Variants in ENPEP observed in about 807,000 individuals in gnomAD.
ENPEP encodes the protein glutamyl aminopeptidase, also known as AP-A.
A neutral mutation model predicts 114.5 loss-of-function variants in ENPEP; 103 were observed. The ratio of observed to expected loss-of-function variants is 0.90; its 90% CI spans 0.77 to 1.06. ENPEP has a LOEUF of 1.06. Among genes scored for constraint, ENPEP ranks in the 50% least tolerant of loss-of-function variants. ENPEP has a pLI of 0.00. For missense variants in ENPEP, 1,196 were observed against 1,161.3 expected (o/e 1.03, Z -0.43); for synonymous variants, 420 against 422.0 (o/e 1.00, Z 0.06).
intron 3 of ENPEP, chr4:110,506,347 A>G (rs572748676): frequency 3.3e-5 from 9 of 274,790 alleles, no homozygotes; most frequent in Non-Finnish European, 6.1e-5. Context: ...AACATTTTTC[A>G]AATGTCTGGG....
intron 6 of ENPEP, 133 bp from the exon 7 acceptor site, chr4:110,513,282 T>G: frequency 1.0e-6 from 1 of 959,222 alleles, no homozygotes; most frequent in Non-Finnish European, 1.5e-6. Context: ...ATGATTAATT[T>G]GAAGACCTAA....
chr4:110,501,361 G>T (rs1374500790), intron 3 of ENPEP, among the ~76,000 whole-genome samples: 2 of 152,078 alleles, frequency 1.3e-5, no homozygotes, highest in Non-Finnish European at 2.9e-5. Context: ...TAGGGGTTTG[G>T]TGTACAGATT....
intron 3 of ENPEP, among the ~76,000 whole-genome samples, chr4:110,499,376 G>A (rs566405509): frequency 6.6e-6 from 1 of 152,264 alleles, no homozygotes; most frequent in South Asian, 2.1e-4. Flanking sequence ...GAGAAAATAG[G>A]CAGCATGATA....
Position 110,476,963 on chromosome 4 carries a change from T to C in ENPEP, c.549T>C (p.Asp183=). 1 of 1,614,202 alleles carries C rather than the reference T, an allele frequency of 6.2e-7. No homozygotes were observed. The highest frequency in any genetic ancestry group is 8.5e-7 in the Non-Finnish European group (1 of 1,180,030). The change falls in exon 1 of 20, where the codon GAT becomes GAC. Residue 183 remains aspartate, a synonymous_variant. Coordinates refer to ENST00000265162, the MANE Select transcript of ENPEP (RefSeq NM_001977.4). ...AAGAGCTTACCCCCAGCAGTGGAGATGGCCTGTATCTCCTGACCATGGAGT... is the reference window on the plus strand; with the variant it reads ...AAGAGCTTACCCCCAGCAGTGGAGACGGCCTGTATCTCCTGACCATGGAGT... ...AEEELTPSSG[D]GLYLLTMEFA...
Position 110,548,343 on chromosome 4 carries a change from G to T in ENPEP, c.2151+17G>T. The T allele has an allele frequency of 6.6e-7, 1 of 1,518,446 alleles. No individual in the cohort carries two copies. The highest frequency in any genetic ancestry group is 1.4e-5 in the South Asian group (1 of 72,334). 94.1% of individuals were successfully genotyped at this position (1,518,446 alleles called of 1,614,324 possible). Reference sequence around the variant, plus strand: ...ATGATTGAGGTGACGTTAATGCTATGGTATCTTATGAAAGTAAATGTTTAG... The same window carrying T: ...ATGATTGAGGTGACGTTAATGCTATTGTATCTTATGAAAGTAAATGTTTAG... On this transcript the variant is annotated intron_variant, in intron 14 of 19. Coordinates refer to ENST00000265162, the MANE Select transcript of ENPEP (RefSeq NM_001977.4).
At chr4:110,559,547 C>G (rs1192629588) in intron 18 of ENPEP, 100 bp from the exon 19 acceptor site, 1 of 854,822 alleles carries the variant, frequency 1.2e-6, no homozygotes, top group Non-Finnish European at 1.9e-6. Flanking sequence ...TTGAAAGTTA[C>G]TTTTAAAAAC....
At chr4:110,528,596 T>C (rs532430460) in intron 10 of ENPEP, among the ~76,000 whole-genome samples, 1 of 152,220 alleles carries the variant, frequency 6.6e-6, no homozygotes, top group Non-Finnish European at 1.5e-5. Context: ...CACCCATGTA[T>C]AAGTTATTGC....
intron 8 of ENPEP, chr4:110,519,376 A>G: frequency 4.7e-6 from 1 of 212,106 alleles, no homozygotes; most frequent in Non-Finnish European, 9.9e-6. Flanking sequence ...AAAGCAACAG[A>G]GGAGTGATAC....
At chr4:110,552,383 T>G (rs1003748752) in intron 17 of ENPEP, among the ~76,000 whole-genome samples, 1 of 152,196 alleles carries the variant, frequency 6.6e-6, no homozygotes, top group African/African-American at 2.4e-5. Flanking sequence ...AGGGTCTTGA[T>G]ATATTAATAA....
chr4:110,561,662 T>C lies in ENPEP; in HGVS notation c.*104T>C. 3 of 1,094,266 alleles carry C rather than the reference T, an allele frequency of 2.7e-6. No homozygotes were observed. The highest frequency in any genetic ancestry group is 3.9e-6 in the Non-Finnish European group (3 of 771,156). The allele number at this position is 1,094,266 out of a possible 1,614,324, so 67.8% of individuals were successfully genotyped here. A position where few individuals can be genotyped will look rare whatever the true frequency, so the allele number is the denominator to read the frequency against. ...CGATGGAGAGAGCCTTATAAACAGA[T>C]AATGCTTTTACTAAGCACTGTGTTT... is the stretch of plus-strand genomic sequence containing the variant. On this transcript the variant is annotated 3_prime_UTR_variant, in exon 20 of 20. Coordinates refer to ENST00000265162, the MANE Select transcript of ENPEP (RefSeq NM_001977.4).
rs1471247380 is a variant in ENPEP at position 110,476,747 on chromosome 4, G to A, written c.333G>A (p.Glu111=). The part of the protein sequence containing the change: ...HYDLHVKPLL[E]EDTYTGTVSI... ...ACCTGCACGTGAAGCCCCTGTTGGA[G>A]GAGGACACCTACACGGGCACCGTGA... is the stretch of plus-strand genomic sequence containing the variant. The change falls in exon 1 of 20, where the codon GAG becomes GAA. Residue 111 remains glutamate (E), a synonymous_variant. Transcript: ENST00000265162. 2.5e-6 allele frequency: 4 copies of A among 1,614,068 alleles called. No individual in the cohort carries two copies. In the African/African-American group the frequency reaches 4.0e-5, roughly 16 times the overall value.
chr4:110,482,733 G>A (rs1289492879), intron 1 of ENPEP, among the ~76,000 whole-genome samples: 2 of 152,186 alleles, frequency 1.3e-5, no homozygotes, highest in African/African-American at 2.4e-5. Context: ...TTTAGGTTGG[G>A]CGAGGTGGCT....
intron 1 of ENPEP, among the ~76,000 whole-genome samples, chr4:110,479,839 TAATAA>T (rs1297868252): frequency 6.6e-5 from 10 of 152,198 alleles, no homozygotes; most frequent in South Asian, 2.1e-4. Flanking sequence ...ATTTATAAAA[TAATAA>T]AATAAAATTT....
At chr4:110,545,969 T>C (rs1727038970) in intron 13 of ENPEP, among the ~76,000 whole-genome samples, 1 of 151,988 alleles carries the variant, frequency 6.6e-6, no homozygotes, top group South Asian at 2.1e-4. Context: ...GCCTCCAAGT[T>C]CCAGGAGACA....
intron 11 of ENPEP, among the ~76,000 whole-genome samples, chr4:110,535,716 G>A (rs1217699523): frequency 6.6e-6 from 1 of 152,230 alleles, no homozygotes; most frequent in Non-Finnish European, 1.5e-5. Flanking sequence ...GCTGGGCGCG[G>A]TGGCTCACGC....
intron 18 of ENPEP, among the ~76,000 whole-genome samples, chr4:110,557,845 A>G (rs1412133482): frequency 6.6e-6 from 1 of 152,182 alleles, no homozygotes; most frequent in Non-Finnish European, 1.5e-5. Flanking sequence ...ATGCTTGATT[A>G]CTAGAACATT....
At chr4:110,533,142 T>TA in intron 11 of ENPEP, 1 of 445,078 alleles carries the variant, frequency 2.2e-6, no homozygotes, top group South Asian at 1.6e-5. Flanking sequence ...TTTACAAGTT[T>TA]GAAAGCGTGA....
intron 6 of ENPEP, 32 bp from the exon 7 acceptor site, chr4:110,513,383 C>G: frequency 6.2e-7 from 1 of 1,601,618 alleles, no homozygotes; most frequent in Non-Finnish European, 8.5e-7. Flanking sequence ...AAAGGAAATA[C>G]TATATTCCTT....
chr4:110,505,722 AG>A (rs1725347880), intron 3 of ENPEP, among the ~76,000 whole-genome samples: 1 of 152,224 alleles, frequency 6.6e-6, no homozygotes, highest in South Asian at 2.1e-4. Flanking sequence ...ATCAGGTTGT[AG>A]GCTTAGCAGG....
Sources: gnomAD v4.1 joint callset for allele counts (sites outside exome capture counted in the v4.1 genomes callset) on GRCh38, gnomAD v4.1.1 for gene constraint, MANE v1.5 for transcripts, NCBI Gene and HGNC (gene_info 2026-07-23, HGNC 2026-07-21) for gene names.